The following GRM1 variants were observed in gnomAD, a reference collection of about 807,000 sequenced individuals.
The protein encoded by GRM1 is glutamate metabotropic receptor 1.
Under a neutral mutation model 90.9 loss-of-function variants are expected in GRM1, and 33 were observed. The ratio of observed to expected loss-of-function variants is 0.36; its 90% CI spans 0.28 to 0.49. The LOEUF (loss-of-function observed/expected upper bound fraction) is 0.49, where lower values mean the gene tolerates loss of function less well. Among genes scored for constraint, GRM1 ranks in the 20% least tolerant of loss-of-function variants. The pLI is 0.99. For missense variants in GRM1, 1,190 were observed against 1,534.3 expected (o/e 0.78, Z 3.75); for synonymous variants, 700 against 613.2 (o/e 1.14, Z -2.09).
intron 3 of GRM1, among the ~76,000 whole-genome samples, chr6:146,338,812 A>C (rs1321278246): frequency 1.3e-5 from 2 of 152,088 alleles, no homozygotes; most frequent in African/African-American, 4.8e-5. Flanking sequence ...TGCCCCCTCC[A>C]CACTCGGTAT....
intron 1 of GRM1, among the ~76,000 whole-genome samples, chr6:146,108,820 T>C (rs62434312): frequency 1.9e-3 from 293 of 151,936 alleles, no homozygotes; most frequent in South Asian, 7.5e-3. Flanking sequence ...ACAATCCAGG[T>C]TGAGGAGATG....
chr6:146,199,780 G>T (rs1779239622), intron 2 of GRM1, among the ~76,000 whole-genome samples: 1 of 152,132 alleles, frequency 6.6e-6, no homozygotes, highest in Non-Finnish European at 1.5e-5. Flanking sequence ...CAGTTTGGGA[G>T]GCCAAGGAAG....
At chr6:146,140,142 C>CT (rs1562488256) in intron 1 of GRM1, among the ~76,000 whole-genome samples, 47 of 29,044 alleles carry the variant, frequency 1.6e-3, no homozygotes, top group East Asian at 3.8e-3. Flanking sequence ...TCTTTCTTTC[C>CT]TTCCTTCCTT....
intron 7 of GRM1, among the ~76,000 whole-genome samples, chr6:146,427,652 G>A (rs981555180): frequency 6.6e-6 from 1 of 152,192 alleles, no homozygotes; most frequent in Admixed American, 6.5e-5. Context: ...AATAGAAAGA[G>A]TGTGGTCTCC....
At chr6:146,186,489 C>G (rs904851577) in intron 2 of GRM1, among the ~76,000 whole-genome samples, 17 of 152,124 alleles carry the variant, frequency 1.1e-4, no homozygotes, top group African/African-American at 4.1e-4. Context: ...TTGCCAAATG[C>G]AGCCAATAGC....
intron 2 of GRM1, among the ~76,000 whole-genome samples, chr6:146,166,810 C>G (rs1161227052): frequency 1.3e-5 from 2 of 152,092 alleles, no homozygotes; most frequent in African/African-American, 4.8e-5. Context: ...ACTTATCTGT[C>G]TACATCATAA....
At chr6:146,410,584 G>T (rs1401662464) in intron 7 of GRM1, among the ~76,000 whole-genome samples, 1 of 152,148 alleles carries the variant, frequency 6.6e-6, no homozygotes, top group East Asian at 1.9e-4. Context: ...GGGAATGTTT[G>T]GGAGGCACCT....
At chr6:146,105,172 T>C (rs1583008547) in intron 1 of GRM1, among the ~76,000 whole-genome samples, 1 of 152,324 alleles carries the variant, frequency 6.6e-6, no homozygotes, top group South Asian at 2.1e-4. Context: ...ATTGTGACTT[T>C]TGATGAGAAG....
chr6:146,028,062 T>A (rs1790555073), upstream of GRM1, among the ~76,000 whole-genome samples: 1 of 151,856 alleles, frequency 6.6e-6, no homozygotes, highest in East Asian at 1.9e-4. Flanking sequence ...ACTCTCACCT[T>A]GAGAAAAGGA....
chr6:146,419,652 A>G (rs1777916842), intron 7 of GRM1, among the ~76,000 whole-genome samples: 1 of 152,210 alleles, frequency 6.6e-6, no homozygotes, highest in Non-Finnish European at 1.5e-5. Flanking sequence ...GGGAGGCCTC[A>G]GGAAACTTAC....
intron 4 of GRM1, among the ~76,000 whole-genome samples, chr6:146,354,912 T>C (rs892531887): frequency 6.6e-6 from 1 of 152,176 alleles, no homozygotes; most frequent in Non-Finnish European, 1.5e-5. Flanking sequence ...TCCATAGTTT[T>C]TTTCCCAGCT....
intron 5 of GRM1, among the ~76,000 whole-genome samples, chr6:146,359,212 G>A (rs1452897659): frequency 2.6e-5 from 4 of 152,188 alleles, no homozygotes; most frequent in Admixed American, 6.5e-5. Context: ...GGCTGCTGAT[G>A]ATATAAGGTA....
chr6:146,405,783 TA>T (rs1206092445), intron 7 of GRM1, among the ~76,000 whole-genome samples: 15 of 152,196 alleles, frequency 9.9e-5, no homozygotes, highest in African/African-American at 3.6e-4. Flanking sequence ...TAAACCTAAT[TA>T]CCCAAAGTCT....
chr6:146,358,284 T>A (rs1018921965), intron 5 of GRM1, among the ~76,000 whole-genome samples: 1 of 151,966 alleles, frequency 6.6e-6, no homozygotes, highest in East Asian at 1.9e-4. Context: ...ATATAGAAAA[T>A]GACAACAAAC....
chr6:146,189,417 A>C (rs1778855971), intron 2 of GRM1, among the ~76,000 whole-genome samples: 1 of 152,162 alleles, frequency 6.6e-6, no homozygotes, highest in African/African-American at 2.4e-5. Context: ...TCTGATTCTA[A>C]ATATGAGCCT....
intron 2 of GRM1, among the ~76,000 whole-genome samples, chr6:146,279,442 A>G (rs1202608149): frequency 6.6e-6 from 1 of 152,162 alleles, no homozygotes. Context: ...TTTCATATGC[A>G]TTTAGAGATA....
At chr6:146,206,074 C>A (rs1236279014) in intron 2 of GRM1, among the ~76,000 whole-genome samples, 1 of 152,160 alleles carries the variant, frequency 6.6e-6, no homozygotes, top group East Asian at 1.9e-4. Flanking sequence ...GTGGGGACAT[C>A]TGCCAAGCAT....
At chr6:146,245,116 C>T (rs9497506) in intron 2 of GRM1, among the ~76,000 whole-genome samples, 16,860 of 152,066 alleles carry the variant, frequency 0.11, 1,831 homozygotes, top group African/African-American at 0.28. Flanking sequence ...TACACTTTAA[C>T]GACTCCCAAT....
chr6:146,158,564 A>T (rs542720593), intron 1 of GRM1, among the ~76,000 whole-genome samples: 1 of 152,282 alleles, frequency 6.6e-6, no homozygotes, highest in Admixed American at 6.5e-5. Context: ...TGTATCATCC[A>T]CATACAAGTG....
Sources: allele counts gnomAD v4.1 joint callset (sites outside exome capture counted in the v4.1 genomes callset), GRCh38; gene constraint gnomAD v4.1.1; transcripts MANE v1.5; gene names NCBI Gene and HGNC (gene_info 2026-07-23, HGNC 2026-07-21).